Variants in SLC17A1 observed in about 807,000 individuals in gnomAD.
SLC17A1 encodes sodium-dependent phosphate transport protein 1.
SLC17A1 carries 51 observed loss-of-function variants against 53.5 expected under a neutral mutation model. The observed-to-expected ratio is 0.95, with a 90% CI of 0.76 to 1.20. The LOEUF (loss-of-function observed/expected upper bound fraction) is 1.20. Among genes scored for constraint, SLC17A1 ranks in the 50% most tolerant of loss-of-function variants. The probability of loss-of-function intolerance (pLI) is 0.00; values close to 1 mark genes in which losing one functional copy is unlikely to be tolerated. For missense variants in SLC17A1, 538 were observed against 568.2 expected (o/e 0.95, Z 0.54); for synonymous variants, 179 against 198.8 (o/e 0.90, Z 0.84).
At chr6:25,793,740 T>A (rs1462796579) in intron 12 of SLC17A1, among the ~76,000 whole-genome samples, 1 of 152,142 alleles carries the variant, frequency 6.6e-6, no homozygotes, top group Non-Finnish European at 1.5e-5. Context: ...AGAAAAAAAT[T>A]ACATCTTTAT....
chr6:25,793,511 A>C (rs1390669640), intron 12 of SLC17A1, among the ~76,000 whole-genome samples: 2 of 152,052 alleles, frequency 1.3e-5, no homozygotes, highest in African/African-American at 2.4e-5. Flanking sequence ...ACCCTATTTC[A>C]TGTTCTTTTT....
the SLC17A1 span, chr6:25,726,773 TTC>T: frequency 0.012 from 14,726 of 1,196,412 alleles, 131 homozygotes; most frequent in Non-Finnish European, 0.016. Context: ...CATCCTCCAG[TTC>T]TGTTTGTTTA....
the SLC17A1 span, among the ~76,000 whole-genome samples, chr6:25,758,797 T>G: frequency 6.6e-6 from 1 of 152,326 alleles, no homozygotes; most frequent in East Asian, 1.9e-4. Flanking sequence ...AATTTCCACT[T>G]AGTTTTGCTC....
downstream of SLC17A1, chr6:25,780,397 G>A (rs543644789): frequency 6.6e-6 from 1 of 152,320 alleles, no homozygotes; most frequent in South Asian, 2.1e-4. Flanking sequence ...CTGAGTGTAA[G>A]GAAGGGCCAC....
At chr6:25,781,175 AG>A (rs1205324505), downstream of SLC17A1, 2 of 4,756 alleles carry the variant, frequency 4.2e-4, no homozygotes, top group Non-Finnish European at 9.4e-4. Flanking sequence ...GATGATTAGC[AG>A]AAAGAAAGAA....
rs187017175 is a variant in SLC17A1 at position 25,788,728 on chromosome 6, T to A, written c.*3-5510A>T. Among the ~76,000 whole-genome samples, 32 of 151,924 alleles carry A rather than the reference T, an allele frequency of 2.1e-4. No homozygotes were observed. The East Asian group carries it at 5.4e-3, about 26-fold the overall frequency. On this transcript the variant is annotated intron_variant, in intron 12 of 12. Transcript: ENST00000244527. Reference sequence around the variant, plus strand: ...AGAGCATGGGCAGGAAAGGAGAGCATCCACAAGGGGGCATCAGAGTGAGGG... The same window carrying A: ...AGAGCATGGGCAGGAAAGGAGAGCAACCACAAGGGGGCATCAGAGTGAGGG...
intron 10 of SLC17A1, among the ~76,000 whole-genome samples, chr6:25,802,839 T>C (rs909731699): frequency 2.3e-4 from 35 of 151,892 alleles, no homozygotes; most frequent in African/African-American, 8.4e-4. Context: ...TCCCATTCAA[T>C]TTTAGCAGTT....
At chr6:25,732,649 CAAG>C in the SLC17A1 span, 109 of 1,296,692 alleles carry the variant, frequency 8.4e-5, no homozygotes, top group Middle Eastern at 2.9e-4. Flanking sequence ...GCCGTCGGAA[CAAG>C]AAGAAGACCC....
the SLC17A1 span, among the ~76,000 whole-genome samples, chr6:25,741,433 AAAAG>A: frequency 6.7e-6 from 1 of 150,254 alleles, no homozygotes; most frequent in Non-Finnish European, 1.5e-5. Flanking sequence ...AAAAAAAAAA[AAAAG>A]GGCGCAGCGG....
At chr6:25,765,212 A>G in the SLC17A1 span, among the ~76,000 whole-genome samples, 1 of 152,228 alleles carries the variant, frequency 6.6e-6, no homozygotes, top group Non-Finnish European at 1.5e-5. Context: ...AAAGAAATTG[A>G]CAGGTACACT....
At chr6:25,773,491 A>G in the SLC17A1 span, 2 of 1,613,488 alleles carry the variant, frequency 1.2e-6, no homozygotes, top group Middle Eastern at 1.7e-4. Flanking sequence ...CGGAGGGGAC[A>G]TTGATGTGTG....
chr6:25,728,336 G>T, the SLC17A1 span, among the ~76,000 whole-genome samples: 1 of 152,044 alleles, frequency 6.6e-6, no homozygotes, highest in African/African-American at 2.4e-5. Context: ...CATGTTACTG[G>T]TTGTTGGACT....
At chr6:25,768,263 T>A in the SLC17A1 span, 1 of 483,080 alleles carries the variant, frequency 2.1e-6, no homozygotes, top group South Asian at 8.9e-5. Flanking sequence ...GAGCATTTGC[T>A]CCCTTTCAGG....
chr6:25,726,835 A>C, the SLC17A1 span: 33 of 1,502,836 alleles, frequency 2.2e-5, no homozygotes, highest in African/African-American at 2.0e-4. Flanking sequence ...AATACTGAAG[A>C]GCTGTTGAGC....
chr6:25,776,738 G>T, the SLC17A1 span: 1 of 1,613,958 alleles, frequency 6.2e-7, no homozygotes, highest in Non-Finnish European at 8.5e-7. Context: ...GTAAGGGAGA[G>T]ACTGGACACA....
At chr6:25,725,938 G>A in the SLC17A1 span, among the ~76,000 whole-genome samples, 1 of 152,154 alleles carries the variant, frequency 6.6e-6, no homozygotes, top group African/African-American at 2.4e-5. Context: ...CCGATGGAAC[G>A]CTCCTTGAAA....
At chr6:25,813,651 T>G (rs1452410800) in intron 6 of SLC17A1, among the ~76,000 whole-genome samples, 2 of 152,212 alleles carry the variant, frequency 1.3e-5, no homozygotes, top group Non-Finnish European at 2.9e-5. Flanking sequence ...ATGGGTTTAT[T>G]GTACAGATTA....
At chr6:25,823,368 T>G (rs780343631) in intron 3 of SLC17A1, among the ~76,000 whole-genome samples, 52 of 152,176 alleles carry the variant, frequency 3.4e-4, no homozygotes, top group Non-Finnish European at 6.2e-4. Flanking sequence ...GGTAGGCATA[T>G]GCTTAATTTT....
At chr6:25,831,319 A>G (rs943508421) in intron 1 of SLC17A1, among the ~76,000 whole-genome samples, 2 of 152,214 alleles carry the variant, frequency 1.3e-5, no homozygotes, top group African/African-American at 4.8e-5. Flanking sequence ...ACCATATCAG[A>G]TTATATGATA....
Sources: gnomAD v4.1 joint callset for allele counts (sites outside exome capture counted in the v4.1 genomes callset) on GRCh38, gnomAD v4.1.1 for gene constraint, MANE v1.5 for transcripts, NCBI Gene and HGNC (gene_info 2026-07-23, HGNC 2026-07-21) for gene names.